RBP2: variants seen among roughly 807,000 people sequenced by gnomAD.
The protein encoded by RBP2 is retinol-binding protein 2.
A neutral mutation model predicts 17.0 loss-of-function variants in RBP2; 17 were observed. The ratio of observed to expected loss-of-function variants is 1.00; its 90% CI spans 0.68 to 1.50. The LOEUF (loss-of-function observed/expected upper bound fraction) is 1.50, where lower values mean the gene tolerates loss of function less well. Among genes scored for constraint, RBP2 ranks in the 40% most tolerant of loss-of-function variants. The probability of loss-of-function intolerance (pLI) is 0.00; values close to 1 mark genes in which losing one functional copy is unlikely to be tolerated. For synonymous variants in RBP2, 48 were observed against 57.1 expected (o/e 0.84, Z 0.72); for missense variants, 158 against 168.2 (o/e 0.94, Z 0.33).
At chr3:139,470,697 G>A (rs1328794438) in intron 1 of RBP2, among the ~76,000 whole-genome samples, 1 of 151,716 alleles carries the variant, frequency 6.6e-6, no homozygotes, top group Non-Finnish European at 1.5e-5. Flanking sequence ...TCCCCCCTCA[G>A]CCTCCTGAGT....
chr3:139,458,597 C>G (rs1404277223), intron 2 of RBP2, among the ~76,000 whole-genome samples: 2 of 152,134 alleles, frequency 1.3e-5, no homozygotes, highest in Admixed American at 1.3e-4. Flanking sequence ...AAAAGGAACC[C>G]CTATGTACTA....
chr3:139,474,892 A>G (rs1229448017), intron 1 of RBP2, among the ~76,000 whole-genome samples: 1 of 152,202 alleles, frequency 6.6e-6, no homozygotes, highest in African/African-American at 2.4e-5. Context: ...TAAAAATCAC[A>G]GGTGCAACAG....
Position 139,473,378 on chromosome 3 carries a change from C to T in RBP2, c.73+3009G>A, listed in dbSNP as rs1268467196. On this transcript the variant is annotated intron_variant, in intron 1 of 3. Transcript: ENST00000232217. Reference sequence around the variant, plus strand: ...CTAGTGACAAAGCCAGTTTACTGCCCAACCCCACATCTCAGTAGAGTTGCT... The same window carrying T: ...CTAGTGACAAAGCCAGTTTACTGCCTAACCCCACATCTCAGTAGAGTTGCT... Among the ~76,000 whole-genome samples, 3 of 152,316 alleles carry T rather than the reference C, an allele frequency of 2.0e-5. No homozygotes were observed. The East Asian group carries it at 5.8e-4, about 29-fold the overall frequency.
At chr3:139,466,489 A>T (rs1192014118) in intron 1 of RBP2, 3 of 152,242 alleles carry the variant, frequency 2.0e-5, no homozygotes, top group Non-Finnish European at 4.4e-5. Flanking sequence ...AGTGAGTACA[A>T]GCACATGCTT....
intron 1 of RBP2, among the ~76,000 whole-genome samples, chr3:139,474,555 T>C (rs1262470001): frequency 6.6e-6 from 1 of 152,222 alleles, no homozygotes; most frequent in Admixed American, 6.5e-5. Context: ...AGCATATTGC[T>C]GAAACCTTGA....
At chr3:139,466,859 C>T (rs754835935) in intron 1 of RBP2, 1 of 152,242 alleles carries the variant, frequency 6.6e-6, no homozygotes, top group Non-Finnish European at 1.5e-5. Context: ...CTCTCTGAAT[C>T]CCTGTCACTC....
chr3:139,456,292 G>GTT (rs201593612), intron 2 of RBP2, among the ~76,000 whole-genome samples: 1 of 151,752 alleles, frequency 6.6e-6, no homozygotes, highest in Admixed American at 6.6e-5. Context: ...ATTTGGGCCT[G>GTT]TTTTTTTTGG....
intron 1 of RBP2, among the ~76,000 whole-genome samples, chr3:139,472,549 A>G (rs1022588974): frequency 2.6e-5 from 4 of 152,180 alleles, no homozygotes; most frequent in African/African-American, 7.2e-5. Context: ...CCCAGGTCAC[A>G]TGGGGAGACC....
chr3:139,460,390 A>G (rs1382832130), intron 2 of RBP2, among the ~76,000 whole-genome samples: 1 of 152,110 alleles, frequency 6.6e-6, no homozygotes, highest in Non-Finnish European at 1.5e-5. Context: ...CATGCTTTAT[A>G]TTTCCCTACT....
chr3:139,459,525 AG>A (rs1231223914), intron 2 of RBP2, among the ~76,000 whole-genome samples: 22 of 150,638 alleles, frequency 1.5e-4, no homozygotes, highest in African/African-American at 5.4e-4. Flanking sequence ...TGGGAGGCTG[AG>A]GCAGGAGAAT....
intron 1 of RBP2, among the ~76,000 whole-genome samples, chr3:139,469,673 C>CTGTT (rs1408756221): frequency 7.4e-6 from 1 of 134,890 alleles, no homozygotes; most frequent in Non-Finnish European, 1.6e-5. Flanking sequence ...ATCTGTCTGT[C>CTGTT]TGTCTGTCTG....
At position 139,474,313 on chromosome 3, in the gene RBP2, A is replaced by C. The variant is rs538589216; in HGVS notation, c.73+2074T>G. On this transcript the variant is annotated intron_variant, in intron 1 of 3. Transcript: ENST00000232217. The stretch of plus-strand genomic sequence containing the variant: ...ATTTCTTGGAGAGAGCTGATGGTGT[A>C]GTGTACTCTGCATCCTCCCAACCCC... Among the ~76,000 whole-genome samples the C allele has an allele frequency of 2.0e-4, 31 of 152,280 alleles. 2 individuals are homozygous for C. In the East Asian group the frequency reaches 5.8e-3, roughly 28 times the overall value.
rs183636504 is a variant in RBP2, at chr3:139,465,746, C to G, written c.74-3456G>C. Among the ~76,000 whole-genome samples the G allele has an allele frequency of 2.1e-3, 327 of 152,254 alleles. 1 individual carries two copies. Among genetic ancestry groups the G allele is most frequent in the African/African-American group, 7.6e-3 (314 of 41,550 alleles). ...TTTCCAAAGCCCTTGCATACTGTCCCCCACCAAATGGCAATTGTTTTCTAG... is the reference window on the plus strand; with the variant it reads ...TTTCCAAAGCCCTTGCATACTGTCCGCCACCAAATGGCAATTGTTTTCTAG... On this transcript the variant is annotated intron_variant, in intron 1 of 3. Coordinates refer to ENST00000232217, the MANE Select transcript of RBP2 (RefSeq NM_004164.3).
chr3:139,470,674 G>A (rs902269038), intron 1 of RBP2, among the ~76,000 whole-genome samples: 3 of 151,694 alleles, frequency 2.0e-5, no homozygotes, highest in Non-Finnish European at 4.4e-5. Flanking sequence ...AAATCCTTGG[G>A]CCCAAGTGAT....
chr3:139,476,249 G>A, intron 1 of RBP2, 138 bp downstream of exon 1: 1 of 643,038 alleles, frequency 1.6e-6, no homozygotes, highest in East Asian at 2.7e-5. Context: ...CTTATGATCT[G>A]CCTAATATTG....
intron 1 of RBP2, among the ~76,000 whole-genome samples, chr3:139,475,208 T>C (rs1933696240): frequency 6.6e-6 from 1 of 150,888 alleles, no homozygotes; most frequent in Non-Finnish European, 1.5e-5. Flanking sequence ...TAGTCCCAGC[T>C]ACTCTGGAGG....
chr3:139,463,476 G>C (rs1286467761), intron 1 of RBP2, among the ~76,000 whole-genome samples: 2 of 152,184 alleles, frequency 1.3e-5, no homozygotes, highest in African/African-American at 4.8e-5. Flanking sequence ...ATGAGCCACT[G>C]TGCCCGGCCT....
At chr3:139,462,359 C>A in intron 1 of RBP2, 69 bp from the exon 2 acceptor site, 1 of 1,484,050 alleles carries the variant, frequency 6.7e-7, no homozygotes, top group Non-Finnish European at 9.3e-7. Context: ...TTAACAAGAC[C>A]AAACATTCAA....
intron 1 of RBP2, among the ~76,000 whole-genome samples, chr3:139,465,768 C>G (rs1047151303): frequency 6.6e-6 from 1 of 152,152 alleles, no homozygotes; most frequent in Non-Finnish European, 1.5e-5. Context: ...CAATTGTTTT[C>G]TAGGCCCAGG....
Sources: gnomAD v4.1 joint callset for allele counts (sites outside exome capture counted in the v4.1 genomes callset) on GRCh38, gnomAD v4.1.1 for gene constraint, MANE v1.5 for transcripts, NCBI Gene and HGNC (gene_info 2026-07-23, HGNC 2026-07-21) for gene names.